Variants in ZC3HAV1 observed in about 807,000 individuals in gnomAD.
ZC3HAV1 encodes the protein zinc finger CCCH-type antiviral protein 1.
ZC3HAV1 carries 41 observed loss-of-function variants against 86.6 expected under a neutral mutation model. That is an observed-to-expected ratio of 0.47 (90% CI 0.37 to 0.61). The LOEUF is 0.61. Among genes scored for constraint, ZC3HAV1 ranks in the 20% least tolerant of loss-of-function variants. The pLI, the probability that ZC3HAV1 is intolerant of heterozygous loss-of-function variation, is 0.00. For missense variants in ZC3HAV1, 964 were observed against 1,141.1 expected, an observed-to-expected ratio of 0.84 and a Z score of 2.24; for synonymous variants, 421 against 432.1, an observed-to-expected ratio of 0.97 and a Z score of 0.32.
intron 7 of ZC3HAV1, among the ~76,000 whole-genome samples, chr7:139,065,544 G>T (rs778052590): frequency 5.3e-5 from 8 of 152,098 alleles, no homozygotes; most frequent in Non-Finnish European, 1.2e-4. Context: ...AACAAAATTG[G>T]CCGAGCCTCC....
At chr7:139,102,063 T>C (rs1817790206) in intron 1 of ZC3HAV1, among the ~76,000 whole-genome samples, 1 of 151,448 alleles carries the variant, frequency 6.6e-6, no homozygotes, top group Admixed American at 6.6e-5. Context: ...CATGTACATG[T>C]ACACAAAGAA....
At chr7:139,099,944 C>T (rs1042142089) in intron 1 of ZC3HAV1, among the ~76,000 whole-genome samples, 19 of 128,094 alleles carry the variant, frequency 1.5e-4, no homozygotes, top group African/African-American at 4.4e-4. Flanking sequence ...AATAAATAAA[C>T]CTCAAAAAAG....
At chr7:139,055,130 A>G (rs1284804276) in intron 10 of ZC3HAV1, 75 bp downstream of exon 10, 2 of 1,331,848 alleles carry the variant, frequency 1.5e-6, no homozygotes, top group Non-Finnish European at 2.1e-6. Flanking sequence ...CATCCAGACA[A>G]ACACATACAC....
At chr7:139,102,383 G>A (rs1817799737) in intron 1 of ZC3HAV1, among the ~76,000 whole-genome samples, 1 of 152,210 alleles carries the variant, frequency 6.6e-6, no homozygotes, top group African/African-American at 2.4e-5. Flanking sequence ...TCCCACCTCG[G>A]CCTCTTGAAG....
chr7:139,053,956 G>A lies in ZC3HAV1; in HGVS notation c.2318+9C>T. On this transcript the variant is annotated intron_variant, in intron 11 of 12. Transcript: ENST00000242351. ...TTATGTAAAGAAACACGATAACGTG[G>A]CCACCAACCATGTAAATTTATCCAG... is the stretch of plus-strand genomic sequence containing the variant. 4 of 1,601,394 alleles carry A rather than the reference G, an allele frequency of 2.5e-6. No homozygotes were observed. Among genetic ancestry groups the A allele is most frequent in the South Asian group, 1.1e-5 (1 of 87,348 alleles).
chr7:139,072,351 AT>A (rs1228138651), intron 7 of ZC3HAV1, among the ~76,000 whole-genome samples: 2 of 151,818 alleles, frequency 1.3e-5, no homozygotes, highest in South Asian at 4.2e-4. Flanking sequence ...CACCCAGCTA[AT>A]TTTTTGTATT....
chr7:139,101,813 A>G (rs544505770), intron 1 of ZC3HAV1, among the ~76,000 whole-genome samples: 8 of 151,928 alleles, frequency 5.3e-5, no homozygotes, highest in East Asian at 2.0e-4. Flanking sequence ...AAGGCAGCAG[A>G]CTCGTTAAGA....
chr7:139,108,202 A>C lies in ZC3HAV1; in HGVS notation c.308+822T>G, dbSNP rs1220998923. On this transcript the variant is annotated intron_variant, in intron 1 of 12. Coordinates refer to ENST00000242351, the MANE Select transcript of ZC3HAV1 (RefSeq NM_020119.4). This position sits in a 1 kb window ranked among gnomAD's most constrained non-coding sequence, Gnocchi z 4.2. ...TGTCCTCGAGGGAGCAAGCTCTCTT[A>C]GGGAGAAACTGGGAAGAAAATCACT... Among the ~76,000 whole-genome samples the C allele has an allele frequency of 6.6e-6, 1 of 151,916 alleles. No individual in the cohort carries two copies. Among genetic ancestry groups the C allele is most frequent in the Non-Finnish European group, 1.5e-5 (1 of 67,990 alleles).
In ZC3HAV1 at chr7:139,087,781, T is replaced by C. The variant is rs6946373; in HGVS notation, c.444+1843A>G. 1.9e-3 allele frequency among the ~76,000 whole-genome samples: 295 copies of C among 151,912 alleles called. 1 individual carries two copies. Among genetic ancestry groups the C allele is most frequent in the African/African-American group, 6.8e-3 (281 of 41,442 alleles). On this transcript the variant is annotated intron_variant, in intron 2 of 12. Transcript: ENST00000242351. Reference sequence around the variant, plus strand: ...CAGTGGCTCGCACCTGTAATCCCAGTACTTTGAGAGGCTGAGGCAGGAGGA... The same window carrying C: ...CAGTGGCTCGCACCTGTAATCCCAGCACTTTGAGAGGCTGAGGCAGGAGGA...
intron 1 of ZC3HAV1, among the ~76,000 whole-genome samples, chr7:139,100,167 G>C (rs1817708431): frequency 6.6e-6 from 1 of 152,000 alleles, no homozygotes; most frequent in South Asian, 2.1e-4. Context: ...AAGATGCCAA[G>C]TAAGACAAAC....
At position 139,044,547 on chromosome 7, in the gene ZC3HAV1, AG is replaced by A. The variant is rs1254587399; in HGVS notation, c.*3046del. The A allele has an allele frequency of 5.9e-5, 9 of 152,354 alleles. No individual in the cohort carries two copies. In the East Asian group the frequency reaches 1.5e-3, roughly 26 times the overall value. 9.4% of individuals were successfully genotyped at this position (152,354 alleles called of 1,614,324 possible). On this transcript the variant is annotated 3_prime_UTR_variant, in exon 13 of 13. Coordinates refer to ENST00000242351, the MANE Select transcript of ZC3HAV1 (RefSeq NM_020119.4). The stretch of plus-strand genomic sequence containing the variant: ...GATTGTATTATCTATGAGTCATTTC[AG>A]GTCAGCAAAGAGAATGTTACAAAAT...
rs767303733 is a variant in ZC3HAV1, at chr7:139,089,753, T to C, written c.315A>G (p.Leu105=). The C allele has an allele frequency of 1.2e-6, 2 of 1,607,076 alleles. No homozygotes were observed. The highest frequency in any genetic ancestry group is 1.7e-6 in the Non-Finnish European group (2 of 1,178,064). The change falls in exon 2 of 13, where the codon TTA becomes TTG. Residue 105 remains leucine, a synonymous_variant. Transcript: ENST00000242351. Reference sequence around the variant, plus strand: ...AGAGAACCTCATGAGAATATTTGCATAAATTCCTGGAAGAAAACACGACAA... The same window carrying C: ...AGAGAACCTCATGAGAATATTTGCACAAATTCCTGGAAGAAAACACGACAA... ...RCNYSQSERN[L]CKYSHEVLSE...
Position 139,057,836 on chromosome 7 carries a change from G to A in ZC3HAV1, c.2097-2541C>T, listed in dbSNP as rs1300862120. Among the ~76,000 whole-genome samples, 7 of 21,518 alleles carry A rather than the reference G, an allele frequency of 3.3e-4. 2 individuals carry two copies. The highest frequency in any genetic ancestry group is 5.9e-4 in the Non-Finnish European group (7 of 11,842). 14.1% of individuals were successfully genotyped at this position (21,518 alleles called of 152,430 possible). The stretch of plus-strand genomic sequence containing the variant: ...ATTACAGACGTGAGCCACCGCGCCC[G>A]GCCAACAATTACATTTTAAAAAATA... On this transcript the variant is annotated intron_variant, in intron 9 of 12. Transcript: ENST00000242351.
chr7:139,087,407 G>T (rs1281869282), intron 2 of ZC3HAV1, among the ~76,000 whole-genome samples: 1 of 150,056 alleles, frequency 6.7e-6, no homozygotes, highest in Non-Finnish European at 1.5e-5. Context: ...GAGACAGAGG[G>T]ACAGAGACAG....
chr7:139,091,162 C>G (rs1226496115), intron 1 of ZC3HAV1, among the ~76,000 whole-genome samples: 3 of 151,788 alleles, frequency 2.0e-5, no homozygotes, highest in African/African-American at 7.3e-5. Flanking sequence ...TTTATCAATC[C>G]CGGAGGAAAG....
rs922707594 is a variant in ZC3HAV1, at chr7:139,046,254, A to G, written c.*1340T>C. The stretch of plus-strand genomic sequence containing the variant: ...GGTAGACACAGGGCCTCTTTGGGAT[A>G]TTGTTCTTTGTTCTGATTCTGTGCT... On this transcript the variant is annotated 3_prime_UTR_variant, in exon 13 of 13. Coordinates refer to ENST00000242351, the MANE Select transcript of ZC3HAV1 (RefSeq NM_020119.4). The G allele has an allele frequency of 6.6e-6, 1 of 152,064 alleles. No homozygotes were observed. The highest frequency in any genetic ancestry group is 2.4e-5 in the African/African-American group (1 of 41,396). The allele number at this position is 152,064 out of a possible 1,614,324, so 9.4% of individuals were successfully genotyped here. A position where few individuals can be genotyped will look rare whatever the true frequency, so the allele number is the denominator to read the frequency against.
rs1815917593 is a variant in ZC3HAV1, at chr7:139,045,001, C to T, written c.*2593G>A. On this transcript the variant is annotated 3_prime_UTR_variant, in exon 13 of 13. Transcript: ENST00000242351. ...TCCCACATATGATCTGATCTCCTAC[C>T]TTCTAAGTTCAAATTGATGCATTAT... The T allele has an allele frequency of 6.6e-6, 1 of 152,154 alleles. No individual in the cohort carries two copies. The highest frequency in any genetic ancestry group is 2.1e-4 in the South Asian group (1 of 4,824). The allele number at this position is 152,154 out of a possible 1,614,324, so 9.4% of individuals were successfully genotyped here. A position where few individuals can be genotyped will look rare whatever the true frequency, so the allele number is the denominator to read the frequency against.
At chr7:139,107,062 G>C (rs1029278587) in intron 1 of ZC3HAV1, among the ~76,000 whole-genome samples, 25 of 152,134 alleles carry the variant, frequency 1.6e-4, no homozygotes, top group Non-Finnish European at 4.4e-5. Context: ...ACTAGTTGGT[G>C]AAGAATTTGT....
At chr7:139,076,145 T>C in intron 6 of ZC3HAV1, 141 bp downstream of exon 6, 1 of 1,386,322 alleles carries the variant, frequency 7.2e-7, no homozygotes, top group Non-Finnish European at 9.8e-7. Context: ...GCATTTGCCA[T>C]TTTTTATCTC....
Sources: allele counts gnomAD v4.1 joint callset (sites outside exome capture counted in the v4.1 genomes callset), GRCh38; gene constraint gnomAD v4.1.1; non-coding constraint Gnocchi (gnomAD v3.1); transcripts MANE v1.5; gene names NCBI Gene and HGNC (gene_info 2026-07-23, HGNC 2026-07-21).